DOCK2: variants seen among roughly 807,000 people sequenced by gnomAD.
DOCK2 encodes the protein dedicator of cytokinesis protein 2.
DOCK2 carries 87 observed loss-of-function variants against 248.9 expected under a neutral mutation model. The observed-to-expected ratio is 0.35, with a 90% CI of 0.29 to 0.42. The LOEUF (loss-of-function observed/expected upper bound fraction) is 0.42, where lower values mean the gene tolerates loss of function less well. Among genes scored for constraint, DOCK2 ranks in the 10% least tolerant of loss-of-function variants. DOCK2 has a pLI of 1.00. For missense variants in DOCK2, 1,747 were observed against 2,300.2 expected (o/e 0.76, Z 4.92); for synonymous variants, 805 against 821.6 (o/e 0.98, Z 0.35).
intron 25 of DOCK2, among the ~76,000 whole-genome samples, chr5:169,765,104 C>CACG (rs1561674785): frequency 1.1e-5 from 1 of 90,704 alleles, no homozygotes; most frequent in East Asian, 3.4e-4. Flanking sequence ...ACACACACAC[C>CACG]CCACACACAG....
chr5:170,076,819 A>C (rs1757855972), intron 47 of DOCK2, among the ~76,000 whole-genome samples: 1 of 152,166 alleles, frequency 6.6e-6, no homozygotes, highest in Non-Finnish European at 1.5e-5. Context: ...GCAGTTTGTC[A>C]CTTTCAATAC....
intron 27 of DOCK2, among the ~76,000 whole-genome samples, chr5:169,963,888 G>A (rs1421989776): frequency 5.3e-5 from 8 of 152,164 alleles, no homozygotes; most frequent in Non-Finnish European, 1.2e-4. Flanking sequence ...TTCAGTGGGT[G>A]TGGGGTGGAG....
At chr5:169,900,410 ATAAACT>A (rs1296784868) in intron 27 of DOCK2, among the ~76,000 whole-genome samples, 3 of 152,206 alleles carry the variant, frequency 2.0e-5, no homozygotes, top group Non-Finnish European at 4.4e-5. Flanking sequence ...TTCCTTCCAC[ATAAACT>A]TAATTATCGT....
chr5:169,965,512 G>T (rs970413754), intron 27 of DOCK2, among the ~76,000 whole-genome samples: 1 of 152,168 alleles, frequency 6.6e-6, no homozygotes, highest in Non-Finnish European at 1.5e-5. Flanking sequence ...GCTCATTTTT[G>T]TCTATTGAGC....
At chr5:169,638,255 G>A (rs975295507) in intron 1 of DOCK2, among the ~76,000 whole-genome samples, 1 of 152,146 alleles carries the variant, frequency 6.6e-6, no homozygotes, top group African/African-American at 2.4e-5. Context: ...GATGCAGGGG[G>A]TCCCCAGGCC....
chr5:170,073,203 C>G (rs947595618), intron 46 of DOCK2, among the ~76,000 whole-genome samples: 1 of 152,222 alleles, frequency 6.6e-6, no homozygotes, highest in Admixed American at 6.5e-5. Context: ...TTTTCTTACA[C>G]AGATTTCCAA....
intron 27 of DOCK2, among the ~76,000 whole-genome samples, chr5:169,941,641 G>C (rs569928452): frequency 2.1e-4 from 32 of 152,202 alleles, no homozygotes; most frequent in Non-Finnish European, 4.6e-4. Context: ...ACTAAGAGCT[G>C]TGGGGACCGT....
At chr5:169,933,836 G>A (rs150964108) in intron 27 of DOCK2, among the ~76,000 whole-genome samples, 45 of 152,216 alleles carry the variant, frequency 3.0e-4, no homozygotes, top group African/African-American at 3.6e-4. Flanking sequence ...GGTGGCTGGC[G>A]TCCAGACTTA....
intron 8 of DOCK2, among the ~76,000 whole-genome samples, chr5:169,685,997 A>G (rs1759951809): frequency 6.6e-6 from 1 of 152,188 alleles, no homozygotes; most frequent in Non-Finnish European, 1.5e-5. Context: ...GTGGAAAGGT[A>G]ATTTTTATTA....
chr5:169,680,958 T>C lies in DOCK2; in HGVS notation c.471-786T>C, dbSNP rs934308168. On this transcript the variant is annotated intron_variant, in intron 6 of 51. Coordinates refer to ENST00000520908, the MANE Select transcript of DOCK2 (RefSeq NM_004946.3). ...GTTATTTATTTATAAAAATAAATAT[T>C]GTATGCACACTGTATGCATCTTTCC... 2.0e-5 allele frequency among the ~76,000 whole-genome samples: 3 copies of C among 152,020 alleles called. No homozygotes were observed. In the East Asian group the frequency reaches 5.8e-4, roughly 29 times the overall value.
rs376374557 is a variant in DOCK2 at position 169,747,481 on chromosome 5, T to A, written c.2353T>A (p.Tyr785Asn). ...ESINNLMKSQ[Y>N]KTTILLQVAA... ...CATCAACAATCTGATGAAAAGTCAATACAAAACTACCATCCTTTTGCAGGT... is the reference window on the plus strand; with the variant it reads ...CATCAACAATCTGATGAAAAGTCAAAACAAAACTACCATCCTTTTGCAGGT... Residue 785 changes from tyrosine (Y) to asparagine (N), a missense_variant, in exon 23 of 52, where the codon TAC becomes AAC. Physicochemically the swap from Tyr to Asn is moderately radical, Grantham distance 143. Around this residue, in one of 4 missense-constraint regions of DOCK2, gnomAD observed 858 missense variants for 1,183.5 expected, o/e 0.72. Transcript: ENST00000520908. The A allele has an allele frequency of 1.2e-6, 2 of 1,613,316 alleles. No individual in the cohort carries two copies. Among genetic ancestry groups the A allele is most frequent in the African/African-American group, 2.7e-5 (2 of 74,896 alleles).
intron 25 of DOCK2, among the ~76,000 whole-genome samples, chr5:169,798,584 GCT>G (rs1218980466): frequency 2.6e-5 from 4 of 152,324 alleles, no homozygotes; most frequent in African/African-American, 9.6e-5. Flanking sequence ...TTATTCCACA[GCT>G]CTGTTTTATG....
chr5:169,755,303 T>C (rs1041021662), intron 23 of DOCK2, among the ~76,000 whole-genome samples: 1 of 152,214 alleles, frequency 6.6e-6, no homozygotes, highest in African/African-American at 2.4e-5. Flanking sequence ...TGTGTGTATA[T>C]GCATCACATG....
chr5:169,850,187 C>A, intron 27 of DOCK2, among the ~76,000 whole-genome samples: 1 of 152,152 alleles, frequency 6.6e-6, no homozygotes, highest in East Asian at 1.9e-4. Flanking sequence ...TGGTACCAAG[C>A]ACTTTAAGGG....
intron 27 of DOCK2, among the ~76,000 whole-genome samples, chr5:169,891,560 T>C (rs933838250): frequency 2.6e-5 from 4 of 151,936 alleles, no homozygotes; most frequent in African/African-American, 7.3e-5. Flanking sequence ...GTGGAGTTGT[T>C]CTAGAAAATG....
intron 26 of DOCK2, among the ~76,000 whole-genome samples, chr5:169,833,311 G>A (rs184539173): frequency 1.3e-5 from 2 of 152,146 alleles, no homozygotes; most frequent in Admixed American, 6.5e-5. Flanking sequence ...CTGTAAAGAT[G>A]GTAAATTAAA....
At chr5:169,806,498 C>A (rs927579509) in intron 26 of DOCK2, among the ~76,000 whole-genome samples, 1 of 151,920 alleles carries the variant, frequency 6.6e-6, no homozygotes, top group African/African-American at 2.4e-5. Flanking sequence ...GGGGTGGGTC[C>A]CCGGTGAAAC....
At chr5:169,696,032 C>T in intron 10 of DOCK2, 94 bp downstream of exon 10, 1 of 1,441,426 alleles carries the variant, frequency 6.9e-7, no homozygotes, top group Non-Finnish European at 9.1e-7. Context: ...CCGCCTCCTG[C>T]TGCCCCCACC....
At chr5:169,930,184 G>A (rs137960442) in intron 27 of DOCK2, among the ~76,000 whole-genome samples, 2,063 of 152,188 alleles carry the variant, frequency 0.014, 18 homozygotes, top group Middle Eastern at 0.041. Context: ...AGAGATGGGG[G>A]TTTCACCATG....
Sources: gnomAD v4.1 joint callset for allele counts (sites outside exome capture counted in the v4.1 genomes callset) on GRCh38, gnomAD v4.1.1 for gene constraint, gnomAD v4.1.1 regional missense constraint, MANE v1.5 for transcripts, NCBI Gene and HGNC (gene_info 2026-07-23, HGNC 2026-07-21) for gene names.